The following MTMR9 variants were observed in gnomAD, a reference collection of about 807,000 sequenced individuals.
MTMR9 encodes the protein myotubularin-related protein 9.
In MTMR9, 39 loss-of-function variants were observed where a neutral mutation model predicts 69.5. The ratio of observed to expected loss-of-function variants is 0.56; its 90% CI spans 0.43 to 0.73. The LOEUF (loss-of-function observed/expected upper bound fraction) is 0.73, where lower values mean the gene tolerates loss of function less well. Ranked by LOEUF, MTMR9 falls within the 30% of genes least tolerant of loss-of-function variation. The probability of loss-of-function intolerance (pLI) is 0.00; values close to 1 mark genes in which losing one functional copy is unlikely to be tolerated. For missense variants in MTMR9, 900 were observed against 671.2 expected (o/e 1.34, Z -3.77); for synonymous variants, 354 against 240.8 (o/e 1.47, Z -4.35).
At chr8:11,313,135 G>A (rs1027792092) in intron 6 of MTMR9, among the ~76,000 whole-genome samples, 1 of 152,188 alleles carries the variant, frequency 6.6e-6, no homozygotes, top group African/African-American at 2.4e-5. Flanking sequence ...AAAGTCACCA[G>A]CTGCATTTTT....
intron 1 of MTMR9, among the ~76,000 whole-genome samples, chr8:11,287,654 AAT>A: frequency 1.4e-5 from 2 of 143,344 alleles, no homozygotes; most frequent in East Asian, 3.9e-4. Flanking sequence ...TCCAGAAATA[AAT>A]ATATATATTT....
Position 11,319,540 on chromosome 8 carries a change from A to G in MTMR9, c.1335-147A>G, listed in dbSNP as rs902677583. On this transcript the variant is annotated intron_variant, in intron 8 of 9. Coordinates refer to ENST00000221086, the MANE Select transcript of MTMR9 (RefSeq NM_015458.4). ...GCCGATTGAGCTTTTTGACAAATCT[A>G]TTGATTTTTCAACACTTTGTTTCTC... 4.4e-5 allele frequency: 34 copies of G among 771,534 alleles called. No homozygotes were observed. In the Admixed American group the frequency reaches 8.1e-4, roughly 18 times the overall value. The allele number at this position is 771,534 out of a possible 1,614,324, so 47.8% of individuals were successfully genotyped here.
At chr8:11,312,965 C>G (rs114640546) in intron 6 of MTMR9, among the ~76,000 whole-genome samples, 2 of 152,204 alleles carry the variant, frequency 1.3e-5, no homozygotes, top group Admixed American at 6.5e-5. Context: ...CAGTAGGTCT[C>G]AACAGTGGAC....
chr8:11,337,250 T>G, the MTMR9 span, among the ~76,000 whole-genome samples: 1 of 152,218 alleles, frequency 6.6e-6, no homozygotes, highest in Non-Finnish European at 1.5e-5. Context: ...TATAGTAACT[T>G]AAGTAGCTCT....
intron 1 of MTMR9, among the ~76,000 whole-genome samples, chr8:11,291,903 C>T (rs989126900): frequency 7.3e-6 from 1 of 137,842 alleles, no homozygotes; most frequent in Admixed American, 6.9e-5. Context: ...GAGGTACAGT[C>T]GACGTATTAC....
At chr8:11,321,994 A>G (rs1244831632) in intron 9 of MTMR9, among the ~76,000 whole-genome samples, 3 of 152,204 alleles carry the variant, frequency 2.0e-5, no homozygotes, top group African/African-American at 7.2e-5. Context: ...TACAGTTAAC[A>G]TAGGGCTATG....
chr8:11,319,860 A>G, intron 9 of MTMR9, 22 bp downstream of exon 9: 4 of 1,613,124 alleles, frequency 2.5e-6, no homozygotes, highest in Non-Finnish European at 8.5e-7. Context: ...ATCCTTTGCA[A>G]ACTTCTTAAC....
intron 6 of MTMR9, 43 bp from the exon 7 acceptor site, chr8:11,314,880 T>C (rs769091930): frequency 2.0e-5 from 32 of 1,598,412 alleles, no homozygotes; most frequent in Non-Finnish European, 2.6e-5. Flanking sequence ...ATTGACCATG[T>C]TGGACATTTC....
intron 1 of MTMR9, among the ~76,000 whole-genome samples, chr8:11,287,310 G>A (rs1381342875): frequency 1.3e-5 from 2 of 152,132 alleles, no homozygotes; most frequent in Admixed American, 6.6e-5. Context: ...TTTTATGGTG[G>A]TTACTTTGCG....
chr8:11,295,074 TGAG>T (rs1385939202), intron 1 of MTMR9, 117 bp from the exon 2 acceptor site: 11 of 564,258 alleles, frequency 1.9e-5, no homozygotes, highest in Admixed American at 3.2e-5. Flanking sequence ...TTAATTAGAC[TGAG>T]GAGAAGAAAG....
At chr8:11,331,270 G>T, downstream of MTMR9, 1 of 1,613,926 alleles carries the variant, frequency 6.2e-7, no homozygotes, top group South Asian at 1.1e-5. Flanking sequence ...GGCTTCGTGG[G>T]CCCCCTTTCT....
chr8:11,307,347 C>T (rs887592530), intron 5 of MTMR9, among the ~76,000 whole-genome samples: 1 of 152,220 alleles, frequency 6.6e-6, no homozygotes, highest in Non-Finnish European at 1.5e-5. Flanking sequence ...GTTGAAATTA[C>T]AGGCATGAGC....
chr8:11,331,253 G>A (rs372459907), downstream of MTMR9: 5 of 1,613,748 alleles, frequency 3.1e-6, no homozygotes, highest in Non-Finnish European at 3.4e-6. Context: ...GTGGGGGCCT[G>A]CCTGCTGGCT....
chr8:11,315,825 A>G (rs1800392156), intron 7 of MTMR9: 1 of 152,258 alleles, frequency 6.6e-6, no homozygotes, highest in Non-Finnish European at 1.5e-5. Context: ...ATTCCTCATG[A>G]TGCATAGTAG....
chr8:11,333,546 T>G, the MTMR9 span, among the ~76,000 whole-genome samples: 3 of 152,098 alleles, frequency 2.0e-5, no homozygotes, highest in African/African-American at 7.2e-5. Flanking sequence ...AGACAGTAAC[T>G]TGAACCCATA....
downstream of MTMR9, among the ~76,000 whole-genome samples, chr8:11,328,698 A>G (rs1354239956): frequency 6.6e-6 from 1 of 152,248 alleles, no homozygotes. Flanking sequence ...AACAGAATAT[A>G]ATCTCCAAAT....
intron 6 of MTMR9, among the ~76,000 whole-genome samples, chr8:11,310,763 T>G (rs187658828): frequency 6.6e-6 from 1 of 151,614 alleles, no homozygotes; most frequent in African/African-American, 2.4e-5. Context: ...GTACAGAGGC[T>G]TCTGTTTTTT....
intron 3 of MTMR9, among the ~76,000 whole-genome samples, chr8:11,303,487 T>TAA (rs1799826728): frequency 6.6e-6 from 1 of 152,058 alleles, no homozygotes; most frequent in African/African-American, 2.4e-5. Flanking sequence ...GATAACTACA[T>TAA]TTTTTTAAAA....
At chr8:11,334,078 G>A in the MTMR9 span, among the ~76,000 whole-genome samples, 1 of 152,148 alleles carries the variant, frequency 6.6e-6, no homozygotes, top group Admixed American at 6.5e-5. Context: ...ATGGGATGAG[G>A]CAGCACAAAG....
Sources: gnomAD v4.1 joint callset for allele counts (sites outside exome capture counted in the v4.1 genomes callset) on GRCh38, gnomAD v4.1.1 for gene constraint, MANE v1.5 for transcripts, NCBI Gene and HGNC (gene_info 2026-07-23, HGNC 2026-07-21) for gene names.